SBNO2: variants seen among roughly 807,000 people sequenced by gnomAD.
SBNO2 encodes the protein strawberry notch homolog 2, also known as protein strawberry notch homolog 2.
Under a neutral mutation model 146.3 loss-of-function variants are expected in SBNO2, and 89 were observed. The observed-to-expected ratio is 0.61, with a 90% CI of 0.51 to 0.73. The LOEUF (loss-of-function observed/expected upper bound fraction) is 0.73, where lower values mean the gene tolerates loss of function less well. Ranked by LOEUF, SBNO2 falls within the 30% of genes least tolerant of loss-of-function variation. SBNO2 has a pLI of 0.00. For synonymous variants in SBNO2, 1,147 were observed against 892.6 expected, an observed-to-expected ratio of 1.29 and a Z score of -5.08; for missense variants, 2,092 against 2,003.7, an observed-to-expected ratio of 1.04 and a Z score of -0.84.
rs777786299 is a variant in SBNO2, at chr19:1,108,643, C to T, written c.3678G>A (p.Ala1226=). ...CGGGCGCCTGCCTGCGCTTCACGTC[C>T]GCATCCATCAGCCGCAGCTCCTGCA... ...RVLQELRLMD[A]DVKRRQAPAL... is the part of the protein sequence containing the mutation. The change falls in exon 32 of 32, where the codon GCG becomes GCA. Residue 1226 remains alanine, a synonymous_variant. Coordinates refer to ENST00000361757, the MANE Select transcript of SBNO2 (RefSeq NM_014963.3). 2.0e-5 allele frequency: 30 copies of T among 1,509,484 alleles called. 1 individual carries two copies. The South Asian group carries it at 2.6e-4, about 13-fold the overall frequency. 93.5% of individuals were successfully genotyped at this position (1,509,484 alleles called of 1,614,324 possible).
chr19:1,159,412 G>A (rs979887019), intron 1 of SBNO2, among the ~76,000 whole-genome samples: 1 of 144,094 alleles, frequency 6.9e-6, no homozygotes, highest in South Asian at 2.3e-4. Flanking sequence ...GCCAAGGGAG[G>A]GTCAGCCCAG....
At chr19:1,170,203 G>A (rs1407304564) in intron 1 of SBNO2, among the ~76,000 whole-genome samples, 2 of 152,192 alleles carry the variant, frequency 1.3e-5, no homozygotes, top group South Asian at 2.1e-4. Context: ...TGGGGCCCAC[G>A]CATCCGAAAT....
At chr19:1,152,549 G>A (rs574729793) in intron 2 of SBNO2, among the ~76,000 whole-genome samples, 1 of 152,226 alleles carries the variant, frequency 6.6e-6, no homozygotes, top group African/African-American at 2.4e-5. Flanking sequence ...CACCGGGGCA[G>A]CTGTGAGGAT....
rs1555725748 is a variant in SBNO2 at position 1,147,439 on chromosome 19, G to GT, written c.168-20_168-19insA. On this transcript the variant is annotated intron_variant, in intron 3 of 31. Transcript: ENST00000361757. Reference sequence around the variant, plus strand: ...GAACGGGCTGGAGGGAGATGGGGGGGGGGGAGGTGAGATGGGGTGCTCAAC... The same window carrying GT: ...GAACGGGCTGGAGGGAGATGGGGGGGTGGGGAGGTGAGATGGGGTGCTCAAC... 4.7e-5 allele frequency: 59 copies of GT among 1,265,168 alleles called. 6 individuals carry two copies. Among genetic ancestry groups the GT allele is most frequent in the Non-Finnish European group, 6.1e-5 (56 of 922,504 alleles). The allele number at this position is 1,265,168 out of a possible 1,614,324, so 78.4% of individuals were successfully genotyped here.
rs189503057 is a variant in SBNO2 at position 1,144,944 on chromosome 19, A to G, written c.279+2365T>C. On this transcript the variant is annotated intron_variant, in intron 4 of 31. Coordinates refer to ENST00000361757, the MANE Select transcript of SBNO2 (RefSeq NM_014963.3). This position sits in a 1 kb window ranked among gnomAD's most constrained non-coding sequence, Gnocchi z 4.1. Reference sequence around the variant, plus strand: ...GACAGAGAGACAGAGACAGAGAGGGAGACAGAGACAAAGAGGGAGACAGAG... The same window carrying G: ...GACAGAGAGACAGAGACAGAGAGGGGGACAGAGACAAAGAGGGAGACAGAG... 7.8e-4 allele frequency among the ~76,000 whole-genome samples: 117 copies of G among 150,858 alleles called. No individual in the cohort carries two copies. The highest frequency in any genetic ancestry group is 3.4e-3 in the Middle Eastern group (1 of 290).
At chr19:1,127,191 TCTC>T (rs1275678210) in intron 5 of SBNO2, among the ~76,000 whole-genome samples, 2 of 152,134 alleles carry the variant, frequency 1.3e-5, no homozygotes, top group Non-Finnish European at 2.9e-5. Context: ...GGGCGCTGCC[TCTC>T]CAGGGGGCCC....
At chr19:1,119,405 C>T in intron 13 of SBNO2, 111 bp downstream of exon 13, 1 of 962,756 alleles carries the variant, frequency 1.0e-6, no homozygotes, top group Non-Finnish European at 1.6e-6. Flanking sequence ...ACATTCAGCA[C>T]CTCTGGGTGC....
At position 1,126,646 on chromosome 19, in the gene SBNO2, C is replaced by T. The variant is rs1467748920; in HGVS notation, c.441+958G>A. On this transcript the variant is annotated intron_variant, in intron 5 of 31. Transcript: ENST00000361757. This position sits in a 1 kb window ranked among gnomAD's most constrained non-coding sequence, Gnocchi z 4.4. The stretch of plus-strand genomic sequence containing the variant: ...CCCCAAGCCCGTGAGTTCTGCTGCC[C>T]GGGTTGCCCCTTCCTGAGGGCCCGG... 4.6e-5 allele frequency among the ~76,000 whole-genome samples: 7 copies of T among 152,190 alleles called. No individual in the cohort carries two copies. In the South Asian group the frequency reaches 6.2e-4, roughly 14 times the overall value.
rs578113638 is a variant in SBNO2 at position 1,107,778 on chromosome 19, AG to A, written c.*441del. 131 of 153,828 alleles carry A rather than the reference AG, an allele frequency of 8.5e-4. 3 individuals are homozygous for A. The South Asian group carries it at 0.025, about 30-fold the overall frequency. 9.5% of individuals were successfully genotyped at this position (153,828 alleles called of 1,614,324 possible). On this transcript the variant is annotated 3_prime_UTR_variant, in exon 32 of 32. Coordinates refer to ENST00000361757, the MANE Select transcript of SBNO2 (RefSeq NM_014963.3). Reference sequence around the variant, plus strand: ...GGGAGAGGTGAGCGGGCAATAACTTAGGGGTCAGGGAAGGGCTGGGGGAGGG... The same window carrying A: ...GGGAGAGGTGAGCGGGCAATAACTTAGGGTCAGGGAAGGGCTGGGGGAGGG...
intron 2 of SBNO2, among the ~76,000 whole-genome samples, chr19:1,151,526 A>G (rs544556623): frequency 1.3e-5 from 2 of 152,344 alleles, no homozygotes; most frequent in Admixed American, 6.5e-5. Context: ...TGGCAGGCCA[A>G]TCAGAGTCTT....
chr19:1,111,950 ACCCCTGCCCCTGCCCCGCCCCCCAAC>A lies in SBNO2; in HGVS notation c.2700+20_2700+45del, dbSNP rs1568554800. Reference sequence around the variant, plus strand: ...GGCTCTTAGATCCGGCCCTCCCTAGACCCCTGCCCCTGCCCCGCCCCCCAACCCTGCCTTCCCTGCAGTACCTTGTT... The same window carrying A: ...GGCTCTTAGATCCGGCCCTCCCTAGACCTGCCTTCCCTGCAGTACCTTGTT... On this transcript the variant is annotated intron_variant, in intron 23 of 31. Transcript: ENST00000361757. 2 of 1,480,976 alleles carry A rather than the reference ACCCCTGCCCCTGCCCCGCCCCCCAAC, an allele frequency of 1.4e-6. No homozygotes were observed. The highest frequency in any genetic ancestry group is 1.8e-6 in the Non-Finnish European group (2 of 1,083,344). 91.7% of individuals were successfully genotyped at this position (1,480,976 alleles called of 1,614,324 possible).
chr19:1,118,968 C>A (rs191032843), intron 14 of SBNO2, 43 bp downstream of exon 14: 18 of 1,542,964 alleles, frequency 1.2e-5, no homozygotes, highest in Non-Finnish European at 1.3e-5. Context: ...CAATTTCACC[C>A]GGGAAACGCA....
At chr19:1,139,413 A>T (rs539550030) in intron 4 of SBNO2, among the ~76,000 whole-genome samples, 1 of 152,232 alleles carries the variant, frequency 6.6e-6, no homozygotes, top group Non-Finnish European at 1.5e-5. Context: ...TTACATGGTG[A>T]TGGCTGAACA....
chr19:1,156,701 C>T (rs942869096), intron 1 of SBNO2, among the ~76,000 whole-genome samples: 14 of 152,150 alleles, frequency 9.2e-5, no homozygotes, highest in Non-Finnish European at 1.6e-4. Context: ...TAGGCCACAG[C>T]GCAGACGCAC....
chr19:1,117,799 T>C (rs1461813316), intron 14 of SBNO2, among the ~76,000 whole-genome samples: 1 of 152,274 alleles, frequency 6.6e-6, no homozygotes, highest in Non-Finnish European at 1.5e-5. Context: ...CACGCCTCTC[T>C]TGCTTTGGAC....
rs535956341 is a variant in SBNO2 at position 1,132,286 on chromosome 19, C to G, written c.280-4521G>C. ...TGCATTTGCATGTCGGTTTAGTCAC[C>G]GCCGCCGGCGCCTACTTCCTCTAAG... On this transcript the variant is annotated intron_variant, in intron 4 of 31. Transcript: ENST00000361757. 3.8e-6 allele frequency: 5 copies of G among 1,309,988 alleles called. No homozygotes were observed. The Admixed American group carries it at 1.2e-4, about 32-fold the overall frequency. The allele number at this position is 1,309,988 out of a possible 1,614,324, so 81.1% of individuals were successfully genotyped here.
At chr19:1,153,687 G>A (rs561626112) in intron 2 of SBNO2, among the ~76,000 whole-genome samples, 13 of 152,016 alleles carry the variant, frequency 8.6e-5, no homozygotes, top group South Asian at 8.3e-4. Flanking sequence ...ACAGGCGTCC[G>A]CCACCACGCC....
rs764259450 is a variant in SBNO2, at chr19:1,157,660, CT to C, written c.-126-3259del. ...CACCCAGAGGGGATGTGGCTTCCTT[CT>C]GAAATCAGGTCTTCAAGGGAGTCGT... On this transcript the variant is annotated intron_variant, in intron 1 of 31. Transcript: ENST00000361757. This position sits in a 1 kb window ranked among gnomAD's most constrained non-coding sequence, Gnocchi z 6.8. Among the ~76,000 whole-genome samples, 1 of 152,220 alleles carries C rather than the reference CT, an allele frequency of 6.6e-6. No individual in the cohort carries two copies. Among genetic ancestry groups the C allele is most frequent in the Non-Finnish European group, 1.5e-5 (1 of 68,038 alleles).
chr19:1,139,808 T>C (rs2080118513), intron 4 of SBNO2, among the ~76,000 whole-genome samples: 1 of 149,708 alleles, frequency 6.7e-6, no homozygotes, highest in African/African-American at 2.5e-5. Flanking sequence ...AATAAATAAA[T>C]ATGGTGCGCG....
Sources: gnomAD v4.1 joint callset for allele counts (sites outside exome capture counted in the v4.1 genomes callset) on GRCh38, gnomAD v4.1.1 for gene constraint, Gnocchi (gnomAD v3.1) non-coding constraint, MANE v1.5 for transcripts, NCBI Gene and HGNC (gene_info 2026-07-23, HGNC 2026-07-21) for gene names.